TLL2: variants seen among roughly 807,000 people sequenced by gnomAD.
TLL2 encodes tolloid-like protein 2.
Under a neutral mutation model 123.0 loss-of-function variants are expected in TLL2, and 106 were observed. That is an observed-to-expected ratio of 0.86 (90% CI 0.74 to 1.01). The LOEUF is 1.01. TLL2 is among the 50% of genes least tolerant of loss of function. The probability of loss-of-function intolerance (pLI) is 0.00; values close to 1 mark genes in which losing one functional copy is unlikely to be tolerated. For missense variants in TLL2, 1,332 were observed against 1,336.7 expected, an observed-to-expected ratio of 1.00 and a Z score of 0.06; for synonymous variants, 494 against 516.8, an observed-to-expected ratio of 0.96 and a Z score of 0.60.
At chr10:96,500,357 G>T (rs978044707) in intron 1 of TLL2, among the ~76,000 whole-genome samples, 1 of 151,990 alleles carries the variant, frequency 6.6e-6, no homozygotes, top group Non-Finnish European at 1.5e-5. Flanking sequence ...ACTTTTGAAG[G>T]GTTGTTTGAA....
At chr10:96,434,004 A>G (rs1846770056) in intron 3 of TLL2, among the ~76,000 whole-genome samples, 1 of 152,052 alleles carries the variant, frequency 6.6e-6, no homozygotes, top group Non-Finnish European at 1.5e-5. Flanking sequence ...CGAACTCCTG[A>G]CCTCAAGTGA....
At chr10:96,485,887 A>G (rs960603369) in intron 1 of TLL2, among the ~76,000 whole-genome samples, 1 of 152,192 alleles carries the variant, frequency 6.6e-6, no homozygotes, top group Admixed American at 6.5e-5. Context: ...TTTTCCCCCA[A>G]AGAAAAAGTG....
At chr10:96,485,869 A>G (rs55904429) in intron 1 of TLL2, among the ~76,000 whole-genome samples, 56,789 of 152,088 alleles carry the variant, frequency 0.37, 10,856 homozygotes, top group Middle Eastern at 0.51. Flanking sequence ...TCCACGGTGC[A>G]GCGCCATTTT....
intron 2 of TLL2, among the ~76,000 whole-genome samples, chr10:96,464,874 A>G (rs759521104): frequency 6.6e-6 from 1 of 152,230 alleles, no homozygotes; most frequent in Non-Finnish European, 1.5e-5. Context: ...TCTGAAAAGC[A>G]GAAAGGGTTG....
At chr10:96,412,217 G>A (rs1589415958) in intron 8 of TLL2, among the ~76,000 whole-genome samples, 3 of 152,146 alleles carry the variant, frequency 2.0e-5, no homozygotes, top group East Asian at 3.8e-4. Context: ...GAGGAAGCAA[G>A]CCCCACGCAG....
chr10:96,414,978 C>G (rs1267536616), intron 7 of TLL2, among the ~76,000 whole-genome samples: 1 of 152,186 alleles, frequency 6.6e-6, no homozygotes, highest in African/African-American at 2.4e-5. Flanking sequence ...AGCTTCTTAA[C>G]TGGCCTCCCT....
chr10:96,424,433 T>C (rs1002699242), intron 5 of TLL2, among the ~76,000 whole-genome samples: 5 of 152,140 alleles, frequency 3.3e-5, no homozygotes, highest in Admixed American at 6.5e-5. Flanking sequence ...CCAACAAATA[T>C]ATACACCTAC....
rs763676747 is a variant in TLL2, at chr10:96,379,083, T to C, written c.2204A>G (p.Glu735Gly). The change falls in exon 17 of 21, where the codon GAG (glutamate) becomes GGG (glycine). Residue 735 changes from glutamate (E) to glycine (G), a missense_variant. Glu to Gly is a moderately conservative substitution (Grantham distance 98). Transcript: ENST00000357947. The stretch of plus-strand genomic sequence containing the variant: ...ACACCCGCCGTTGTCCTTGGCACAC[T>C]CGTCCTTATCTGGGGAGATCAATGA... ...FRAHFFSDKD[E>G]CAKDNGGCQH... 1 of 1,614,088 alleles carries C rather than the reference T, an allele frequency of 6.2e-7. No individual in the cohort carries two copies. The highest frequency in any genetic ancestry group is 8.5e-7 in the Non-Finnish European group (1 of 1,179,956).
chr10:96,466,993 G>A (rs1847138238), intron 2 of TLL2, among the ~76,000 whole-genome samples: 1 of 152,156 alleles, frequency 6.6e-6, no homozygotes, highest in South Asian at 2.1e-4. Flanking sequence ...TAAGAATGGT[G>A]GCACTGGTTT....
intron 18 of TLL2, chr10:96,374,048 A>G (rs1846111346): frequency 3.8e-6 from 2 of 526,592 alleles, no homozygotes; most frequent in African/African-American, 3.8e-5. Flanking sequence ...TATTGCTACA[A>G]TGACCACACT....
chr10:96,422,838 G>C, intron 5 of TLL2, 111 bp from the exon 6 acceptor site: 1 of 1,330,682 alleles, frequency 7.5e-7, no homozygotes, highest in Non-Finnish European at 1.0e-6. Flanking sequence ...TAAAAGAACA[G>C]AATTTCAGGC....
chr10:96,507,528 A>C (rs974017502), intron 1 of TLL2, among the ~76,000 whole-genome samples: 2 of 152,194 alleles, frequency 1.3e-5, no homozygotes, highest in Admixed American at 1.3e-4. Context: ...AAAAGAGTTC[A>C]AGAAGTGCTG....
intron 2 of TLL2, among the ~76,000 whole-genome samples, chr10:96,471,260 C>T (rs1230941193): frequency 2.0e-5 from 3 of 152,192 alleles, no homozygotes; most frequent in Non-Finnish European, 2.9e-5. Context: ...CTGCCTTGGC[C>T]TCCTAAAGTG....
At chr10:96,423,736 C>T (rs1846649242) in intron 5 of TLL2, among the ~76,000 whole-genome samples, 1 of 152,040 alleles carries the variant, frequency 6.6e-6, no homozygotes, top group Admixed American at 6.6e-5. Flanking sequence ...AATTGCACTC[C>T]CAAAATGTTG....
chr10:96,408,630 G>A (rs770422580), intron 9 of TLL2, among the ~76,000 whole-genome samples: 1 of 152,162 alleles, frequency 6.6e-6, no homozygotes, highest in Non-Finnish European at 1.5e-5. Context: ...AGGCAGACAG[G>A]TCTGGGATCT....
intron 17 of TLL2, 142 bp from the exon 18 acceptor site, chr10:96,376,961 A>G (rs7900503): frequency 0.58 from 411,121 of 703,380 alleles, 124,386 homozygotes; most frequent in Non-Finnish European, 0.63. Context: ...ATCCTGAATC[A>G]GGTATCTCCT....
chr10:96,386,046 G>C lies in TLL2; in HGVS notation c.2013+9C>G. The stretch of plus-strand genomic sequence containing the variant: ...ACAGTCCCCAATCAATTAGAGCATG[G>C]AGACATACGTCATTGCCTTCCAGTT... On this transcript the variant is annotated intron_variant, in intron 15 of 20. Transcript: ENST00000357947. 1 of 1,580,778 alleles carries C rather than the reference G, an allele frequency of 6.3e-7. No homozygotes were observed. Among genetic ancestry groups the C allele is most frequent in the Non-Finnish European group, 8.6e-7 (1 of 1,163,048 alleles).
intron 2 of TLL2, among the ~76,000 whole-genome samples, chr10:96,449,623 C>G (rs1008567222): frequency 1.3e-5 from 2 of 152,184 alleles, no homozygotes; most frequent in African/African-American, 4.8e-5. Context: ...CATGGCTCCC[C>G]CCTGCCCTTG....
At chr10:96,413,161 G>T in intron 8 of TLL2, 31 bp downstream of exon 8, 2 of 1,612,188 alleles carry the variant, frequency 1.2e-6, no homozygotes, top group Non-Finnish European at 1.7e-6. Flanking sequence ...ATGCTAGGGA[G>T]GTGCTGGCAG....
Sources: allele counts gnomAD v4.1 joint callset (sites outside exome capture counted in the v4.1 genomes callset), GRCh38; gene constraint gnomAD v4.1.1; transcripts MANE v1.5; gene names NCBI Gene and HGNC (gene_info 2026-07-23, HGNC 2026-07-21).